AATF: variants seen among roughly 807,000 people sequenced by gnomAD.
AATF encodes the protein apoptosis antagonizing transcription factor.
AATF carries 48 observed loss-of-function variants against 63.7 expected under a neutral mutation model. The ratio of observed to expected loss-of-function variants is 0.75; its 90% CI spans 0.60 to 0.96. The LOEUF (loss-of-function observed/expected upper bound fraction) is 0.96. AATF is among the 40% of genes least tolerant of loss of function. The probability of loss-of-function intolerance (pLI) is 0.00; values close to 1 mark genes in which losing one functional copy is unlikely to be tolerated. For missense variants in AATF, 639 were observed against 685.7 expected (o/e 0.93, Z 0.76); for synonymous variants, 258 against 247.7 (o/e 1.04, Z -0.39).
intron 4 of AATF, among the ~76,000 whole-genome samples, chr17:36,970,541 C>CTT (rs773737841): frequency 4.6e-5 from 4 of 87,018 alleles, no homozygotes; most frequent in Non-Finnish European, 7.1e-5. Flanking sequence ...TTTCTTTTTT[C>CTT]TTTTTTTTTT....
intron 4 of AATF, among the ~76,000 whole-genome samples, chr17:36,982,296 C>T (rs2142239389): frequency 6.9e-6 from 1 of 145,902 alleles, no homozygotes; most frequent in South Asian, 2.2e-4. Context: ...TTCTATACAA[C>T]GATGAACTGT....
chr17:36,948,988 G>A lies in AATF; in HGVS notation c.-138G>A, dbSNP rs2070828665. The A allele has an allele frequency of 5.2e-6, 4 of 775,914 alleles. No individual in the cohort carries two copies. Among genetic ancestry groups the A allele is most frequent in the Non-Finnish European group, 8.3e-6 (4 of 481,208 alleles). 48.1% of individuals were successfully genotyped at this position (775,914 alleles called of 1,614,324 possible). ...GGAAGTGGCCGGTCCAGAGCTGTGG[G>A]GTGGCCTCCGCGCGGTCTCTGGCGG... On this transcript the variant is annotated 5_prime_UTR_variant, in exon 1 of 12. Coordinates refer to ENST00000619387, the MANE Select transcript of AATF (RefSeq NM_012138.4).
At chr17:37,024,099 G>T (rs1027794353) in intron 10 of AATF, among the ~76,000 whole-genome samples, 3 of 152,164 alleles carry the variant, frequency 2.0e-5, no homozygotes, top group African/African-American at 7.2e-5. Context: ...ATCCATGGTT[G>T]ATTAAATCTG....
At chr17:37,020,650 G>A (rs2071462167) in intron 9 of AATF, among the ~76,000 whole-genome samples, 1 of 152,158 alleles carries the variant, frequency 6.6e-6, no homozygotes, top group Non-Finnish European at 1.5e-5. Context: ...AATCTGATGG[G>A]TTTGCCTGCA....
At chr17:36,962,118 T>G (rs2142213505) in intron 4 of AATF, among the ~76,000 whole-genome samples, 1 of 152,382 alleles carries the variant, frequency 6.6e-6, no homozygotes, top group Admixed American at 6.5e-5. Flanking sequence ...TTCTTTTTGC[T>G]AAACTGTAGG....
intron 11 of AATF, among the ~76,000 whole-genome samples, chr17:37,044,800 A>T (rs984427252): frequency 6.6e-6 from 1 of 152,162 alleles, no homozygotes; most frequent in South Asian, 2.1e-4. Flanking sequence ...TTCTTACAGC[A>T]TAGTTCGTGT....
At chr17:37,006,140 A>G (rs1183541278) in intron 8 of AATF, among the ~76,000 whole-genome samples, 1 of 152,066 alleles carries the variant, frequency 6.6e-6, no homozygotes, top group Admixed American at 6.5e-5. Context: ...CTGTCTCTAA[A>G]AAAAGAAAAA....
chr17:37,035,378 A>G (rs1056585396), intron 11 of AATF, among the ~76,000 whole-genome samples: 3 of 149,768 alleles, frequency 2.0e-5, no homozygotes, highest in Non-Finnish European at 4.5e-5. Context: ...ACCACCATGC[A>G]CACACGCCCT....
intron 4 of AATF, among the ~76,000 whole-genome samples, chr17:36,961,623 G>GATCTAT (rs2070947742): frequency 6.6e-6 from 1 of 151,876 alleles, no homozygotes; most frequent in Non-Finnish European, 1.5e-5. Flanking sequence ...ATATTGCCCA[G>GATCTAT]ATCTATATTC....
chr17:36,968,270 C>CTTTTTTTTTTT (rs3049638), intron 4 of AATF, among the ~76,000 whole-genome samples: 12 of 23,788 alleles, frequency 5.0e-4, no homozygotes, highest in African/African-American at 6.5e-4. Flanking sequence ...TTCCTTCTTT[C>CTTTTTTTTTTT]TTTTTTTTTT....
intron 2 of AATF, among the ~76,000 whole-genome samples, chr17:36,950,881 G>A (rs1033342443): frequency 1.3e-5 from 2 of 152,210 alleles, no homozygotes; most frequent in Non-Finnish European, 2.9e-5. Flanking sequence ...AGAAGGCAGT[G>A]CATTTTGGCT....
chr17:37,044,096 A>G (rs753066198), intron 11 of AATF, among the ~76,000 whole-genome samples: 12 of 152,160 alleles, frequency 7.9e-5, no homozygotes, highest in Non-Finnish European at 1.6e-4. Flanking sequence ...GTTTGTTTAC[A>G]GTTTGCTGTT....
intron 11 of AATF, 104 bp downstream of exon 11, chr17:37,031,789 T>G (rs1386500240): frequency 6.4e-6 from 6 of 944,134 alleles, no homozygotes; most frequent in Non-Finnish European, 1.7e-6. Context: ...CAGTTAACCA[T>G]TTGTCATTGG....
intron 2 of AATF, among the ~76,000 whole-genome samples, chr17:36,950,978 G>A (rs1258522855): frequency 6.6e-6 from 1 of 152,140 alleles, no homozygotes; most frequent in African/African-American, 2.4e-5. Flanking sequence ...GGTTTTCCAG[G>A]ACTTGCATTG....
intron 4 of AATF, among the ~76,000 whole-genome samples, chr17:36,958,615 G>A (rs549314150): frequency 6.6e-6 from 1 of 152,296 alleles, no homozygotes; most frequent in African/African-American, 2.4e-5. Context: ...TTATATAAAA[G>A]TAGAGAAATA....
chr17:37,052,388 C>T (rs1002234617), intron 11 of AATF: 1 of 152,232 alleles, frequency 6.6e-6, no homozygotes, highest in African/African-American at 2.4e-5. Flanking sequence ...GCCCTCTGTC[C>T]AGTGGCACCT....
Position 37,019,217 on chromosome 17 carries a change from T to A in AATF, c.1466+145T>A, listed in dbSNP as rs868506783. 16 of 678,910 alleles carry A rather than the reference T, an allele frequency of 2.4e-5. No homozygotes were observed. In the African/African-American group the frequency reaches 2.4e-4, roughly 10 times the overall value. 42.1% of individuals were successfully genotyped at this position (678,910 alleles called of 1,614,324 possible). On this transcript the variant is annotated intron_variant, in intron 9 of 11. Transcript: ENST00000619387. ...GTAAGAGCTAGAAAGAAAATGTGAC[T>A]AATTGTTTACCCTACATTGCCTAAA...
intron 11 of AATF, chr17:37,056,278 G>T (rs948985126): frequency 3.8e-6 from 1 of 263,120 alleles, no homozygotes; most frequent in Non-Finnish European, 7.2e-6. Flanking sequence ...CCTCCTCATC[G>T]GATGGCGGTC....
rs1160588200 is a variant in AATF at position 37,033,652 on chromosome 17, C to T, written c.1619+1967C>T. 1.9e-5 allele frequency: 3 copies of T among 154,306 alleles called. No homozygotes were observed. The Admixed American group carries it at 2.0e-4, about 10-fold the overall frequency. 9.6% of individuals were successfully genotyped at this position (154,306 alleles called of 1,614,324 possible). A position where few individuals can be genotyped will look rare whatever the true frequency, so the allele number is the denominator to read the frequency against. Reference sequence around the variant, plus strand: ...GGCCTATAAAAAATATAAAACCTGACTACAGAGGCATAAGGAAATGGAAGT... The same window carrying T: ...GGCCTATAAAAAATATAAAACCTGATTACAGAGGCATAAGGAAATGGAAGT... On this transcript the variant is annotated intron_variant, in intron 11 of 11. Transcript: ENST00000619387.
Sources: allele counts gnomAD v4.1 joint callset (sites outside exome capture counted in the v4.1 genomes callset), GRCh38; gene constraint gnomAD v4.1.1; transcripts MANE v1.5; gene names NCBI Gene and HGNC (gene_info 2026-07-23, HGNC 2026-07-21).